The following ALK variants were observed in gnomAD, a reference collection of about 807,000 sequenced individuals.
The protein encoded by ALK is ALK receptor tyrosine kinase, also known as ALK tyrosine kinase receptor.
A neutral mutation model predicts 163.1 loss-of-function variants in ALK; 74 were observed. That is an observed-to-expected ratio of 0.45 (90% CI 0.38 to 0.55). ALK has a LOEUF of 0.55. Among genes scored for constraint, ALK ranks in the 20% least tolerant of loss-of-function variants. The pLI is 0.00. For synonymous variants in ALK, 960 were observed against 843.2 expected, an observed-to-expected ratio of 1.14 and a Z score of -2.40; for missense variants, 2,063 against 2,105.3, an observed-to-expected ratio of 0.98 and a Z score of 0.39.
intron 3 of ALK, among the ~76,000 whole-genome samples, chr2:29,571,845 A>C (rs1257472590): frequency 6.6e-6 from 1 of 151,856 alleles, no homozygotes; most frequent in Admixed American, 6.6e-5. Context: ...CGAACTCCTG[A>C]CCTCGTGATC....
chr2:29,661,420 C>G (rs894899919), intron 3 of ALK, among the ~76,000 whole-genome samples: 1 of 152,168 alleles, frequency 6.6e-6, no homozygotes, highest in Non-Finnish European at 1.5e-5. Flanking sequence ...CTATCTGGCT[C>G]ATTGCATTTT....
chr2:29,469,474 A>C (rs1671295518), intron 4 of ALK, among the ~76,000 whole-genome samples: 1 of 152,176 alleles, frequency 6.6e-6, no homozygotes, highest in Admixed American at 6.5e-5. Flanking sequence ...CTCTCTCAGA[A>C]AGATAAAAAT....
At chr2:29,210,525 C>T (rs183878689) in intron 24 of ALK, among the ~76,000 whole-genome samples, 6 of 152,160 alleles carry the variant, frequency 3.9e-5, no homozygotes, top group East Asian at 1.9e-4. Flanking sequence ...CTCTGCCTCC[C>T]GGGTTCAAGC....
In ALK at chr2:29,204,738, T is replaced by C. The variant is rs373438171; in HGVS notation, c.3938+2433A>G. Among the ~76,000 whole-genome samples, 223 of 152,316 alleles carry C rather than the reference T, an allele frequency of 1.5e-3. 5 individuals are homozygous for C. The South Asian group carries it at 0.045, about 31-fold the overall frequency. On this transcript the variant is annotated intron_variant, in intron 26 of 28. Transcript: ENST00000389048. ...CTGAGTAGCTGGGTTTACAGGGGCC[T>C]ACCACCATGCCCAGCTAAATTTTGT...
At chr2:29,694,199 C>T (rs1007001327) in intron 3 of ALK, among the ~76,000 whole-genome samples, 1 of 152,216 alleles carries the variant, frequency 6.6e-6, no homozygotes, top group African/African-American at 2.4e-5. Context: ...TTGCCCACTA[C>T]TTTCCTCTGA....
intron 5 of ALK, among the ~76,000 whole-genome samples, chr2:29,374,571 A>C (rs1668710505): frequency 6.6e-6 from 1 of 152,226 alleles, no homozygotes; most frequent in Admixed American, 6.5e-5. Flanking sequence ...AAATAGATAT[A>C]CATGGAAACA....
intron 1 of ALK, among the ~76,000 whole-genome samples, chr2:29,761,866 C>T (rs1182555569): frequency 1.3e-5 from 2 of 152,260 alleles, no homozygotes; most frequent in African/African-American, 4.8e-5. Flanking sequence ...AAGCCGGAGG[C>T]AAGGAGAATA....
intron 2 of ALK, among the ~76,000 whole-genome samples, chr2:29,713,840 GTT>G (rs951620489): frequency 7.0e-4 from 102 of 146,176 alleles, no homozygotes; most frequent in African/African-American, 2.5e-3. Flanking sequence ...AATGTATCAT[GTT>G]TTTTTTTTTT....
chr2:29,404,532 A>G (rs920530381), intron 4 of ALK, among the ~76,000 whole-genome samples: 1 of 152,188 alleles, frequency 6.6e-6, no homozygotes, highest in African/African-American at 2.4e-5. Flanking sequence ...ATAAGACAAG[A>G]ATTCTACCTT....
intron 1 of ALK, among the ~76,000 whole-genome samples, chr2:29,857,886 T>C (rs1666184588): frequency 6.6e-6 from 1 of 152,126 alleles, no homozygotes. Context: ...CACATGCAGT[T>C]GTGAGAAATA....
At chr2:29,806,465 A>G (rs1558496696) in intron 1 of ALK, among the ~76,000 whole-genome samples, 1 of 152,182 alleles carries the variant, frequency 6.6e-6, no homozygotes, top group Admixed American at 6.5e-5. Context: ...TTAAACAATT[A>G]AAGTTGGGAG....
intron 1 of ALK, among the ~76,000 whole-genome samples, chr2:29,835,672 T>C (rs1301581886): frequency 1.3e-5 from 2 of 152,216 alleles, no homozygotes; most frequent in African/African-American, 4.8e-5. Context: ...CCATGAGTTA[T>C]GGGAGGGACC....
chr2:29,886,580 T>G (rs4666287), intron 1 of ALK, among the ~76,000 whole-genome samples: 40,901 of 152,216 alleles, frequency 0.27, 5,960 homozygotes, highest in East Asian at 0.57. Flanking sequence ...GAAGGAAGAT[T>G]GCCCTTAGCT....
intron 6 of ALK, among the ~76,000 whole-genome samples, chr2:29,325,733 G>A (rs902850600): frequency 2.6e-5 from 4 of 152,232 alleles, no homozygotes; most frequent in East Asian, 1.9e-4. Context: ...CTTAAACTCC[G>A]TGAGCTTCAG....
At chr2:29,478,088 C>T (rs1440278295) in intron 4 of ALK, among the ~76,000 whole-genome samples, 3 of 152,258 alleles carry the variant, frequency 2.0e-5, no homozygotes, top group African/African-American at 7.2e-5. Context: ...TCACTCTCAG[C>T]TTCTCAAAGC....
chr2:29,330,982 C>T lies in ALK; in HGVS notation c.1283-2501G>A, dbSNP rs757046643. Among the ~76,000 whole-genome samples, 4 of 152,326 alleles carry T rather than the reference C, an allele frequency of 2.6e-5. 1 individual carries two copies. Among genetic ancestry groups the T allele is most frequent in the Admixed American group, 2.0e-4 (3 of 15,306 alleles). ...CAAATTCATGTTGCTCTATTACGTT[C>T]GTGGTAGTTTTTACAGCAGCAATAG... is the stretch of plus-strand genomic sequence containing the variant. On this transcript the variant is annotated intron_variant, in intron 5 of 28. Coordinates refer to ENST00000389048, the MANE Select transcript of ALK (RefSeq NM_004304.5).
intron 4 of ALK, among the ~76,000 whole-genome samples, chr2:29,440,040 T>C (rs538227946): frequency 6.6e-6 from 1 of 151,802 alleles, no homozygotes; most frequent in African/African-American, 2.4e-5. Context: ...GAGACCAGCC[T>C]GGCCAACATG....
chr2:29,624,444 A>G (rs1676133550), intron 3 of ALK, among the ~76,000 whole-genome samples: 1 of 152,186 alleles, frequency 6.6e-6, no homozygotes, highest in Admixed American at 6.5e-5. Context: ...CAGCTGGGGA[A>G]GGCTCCTCCT....
chr2:29,828,616 C>T (rs1665267854), intron 1 of ALK, among the ~76,000 whole-genome samples: 3 of 152,186 alleles, frequency 2.0e-5, no homozygotes, highest in South Asian at 4.1e-4. Flanking sequence ...CAATGAGATA[C>T]CATCTCACAC....
Sources: gnomAD v4.1 joint callset for allele counts (sites outside exome capture counted in the v4.1 genomes callset) on GRCh38, gnomAD v4.1.1 for gene constraint, MANE v1.5 for transcripts, NCBI Gene and HGNC (gene_info 2026-07-23, HGNC 2026-07-21) for gene names.